THBS2: variants seen among roughly 807,000 people sequenced by gnomAD.
The protein encoded by THBS2 is thrombospondin 2, also known as thrombospondin-2.
Under a neutral mutation model 135.2 loss-of-function variants are expected in THBS2, and 47 were observed. The observed-to-expected ratio is 0.35, with a 90% confidence interval of 0.28 to 0.44. The LOEUF (loss-of-function observed/expected upper bound fraction) is 0.44, where lower values mean the gene tolerates loss of function less well. THBS2 is among the 20% of genes least tolerant of loss of function. The pLI is 1.00. For missense variants in THBS2, 1,288 were observed against 1,603.1 expected, an observed-to-expected ratio of 0.80 and a Z score of 3.36; for synonymous variants, 639 against 633.8, an observed-to-expected ratio of 1.01 and a Z score of -0.12.
chr6:169,242,630 C>T (rs1780360368), intron 4 of THBS2, among the ~76,000 whole-genome samples: 1 of 71,058 alleles, frequency 1.4e-5, no homozygotes, highest in African/African-American at 4.9e-5. Flanking sequence ...CCCACCTTCC[C>T]ACCACTCCCA....
At position 169,223,231 on chromosome 6, in the gene THBS2, G is replaced by C; in HGVS notation, c.3001+17C>G. ...CCGGAGAAATGCTGGCACCACCGCCGTGTCTCAGAGACTCACCTACAGCGA... is the reference window on the plus strand; with the variant it reads ...CCGGAGAAATGCTGGCACCACCGCCCTGTCTCAGAGACTCACCTACAGCGA... On this transcript the variant is annotated intron_variant, in intron 18 of 21. Transcript: ENST00000617924. 6.2e-7 allele frequency: 1 copy of C among 1,603,040 alleles called. No homozygotes were observed. The highest frequency in any genetic ancestry group is 8.5e-7 in the Non-Finnish European group (1 of 1,171,614).
At chr6:169,228,796 C>T (rs951675307) in intron 14 of THBS2, among the ~76,000 whole-genome samples, 1 of 151,676 alleles carries the variant, frequency 6.6e-6, no homozygotes, top group Non-Finnish European at 1.5e-5. Flanking sequence ...TGGTGGTGTG[C>T]GCCTGTAATG....
rs189271773 is a variant in THBS2 at position 169,234,715 on chromosome 6, G to A, written c.1651+19C>T. 47 of 1,513,126 alleles carry A rather than the reference G, an allele frequency of 3.1e-5. 1 individual carries two copies. The East Asian group carries it at 4.0e-4, about 13-fold the overall frequency. The allele number at this position is 1,513,126 out of a possible 1,614,324, so 93.7% of individuals were successfully genotyped here. A position where few individuals can be genotyped will look rare whatever the true frequency, so the allele number is the denominator to read the frequency against. On this transcript the variant is annotated intron_variant, in intron 10 of 21. Transcript: ENST00000617924. ...TGGAAGCCCGGGTTTCAGTGCCCCC[G>A]CTTCTACCCCTCACTCACCCACGGG...
intron 21 of THBS2, 132 bp from the exon 22 acceptor site, chr6:169,217,961 GATGGATGGATGAA>G (rs1463405995): frequency 1.3e-6 from 1 of 778,362 alleles, no homozygotes; most frequent in African/African-American, 2.2e-5. Context: ...TGGATGGATG[GATGGATGGATGAA>G]ATGGATGGGT....
chr6:169,228,284 G>A lies in THBS2; in HGVS notation c.2260-3C>T. ...TTGAAGAGGAGCTGGCAGTTGTCCTGGAAAACCAAGAAAGGGAAGACTTTA... is the reference window on the plus strand; with the variant it reads ...TTGAAGAGGAGCTGGCAGTTGTCCTAGAAAACCAAGAAAGGGAAGACTTTA... On this transcript the variant is annotated splice_polypyrimidine_tract_variant and splice_region_variant and intron_variant, in intron 14 of 21. Coordinates refer to ENST00000617924, the MANE Select transcript of THBS2 (RefSeq NM_003247.5). 1.9e-6 allele frequency: 3 copies of A among 1,613,866 alleles called. No individual in the cohort carries two copies. Among genetic ancestry groups the A allele is most frequent in the Non-Finnish European group, 2.5e-6 (3 of 1,179,954 alleles).
intron 9 of THBS2, 22 bp downstream of exon 9, chr6:169,237,148 G>A (rs747155022): frequency 2.4e-5 from 38 of 1,588,682 alleles, no homozygotes; most frequent in Non-Finnish European, 2.9e-5. Flanking sequence ...CCCACCCAGG[G>A]CCCCGCCTTC....
At chr6:169,220,172 C>G (rs1779372315) in intron 21 of THBS2, 26 bp downstream of exon 21, 9 of 1,605,866 alleles carry the variant, frequency 5.6e-6, no homozygotes, top group Non-Finnish European at 6.8e-6. Flanking sequence ...ATGCCTTCCC[C>G]ACTAACCTGA....
intron 18 of THBS2, 124 bp from the exon 19 acceptor site, chr6:169,222,592 C>T (rs1272783087): frequency 8.5e-6 from 9 of 1,057,814 alleles, no homozygotes; most frequent in Non-Finnish European, 1.1e-5. Context: ...GTCAAGAGTT[C>T]GAGACTGGTC....
chr6:169,227,322 G>C (rs1779668522), intron 15 of THBS2, among the ~76,000 whole-genome samples: 1 of 152,174 alleles, frequency 6.6e-6, no homozygotes, highest in Admixed American at 6.5e-5. Flanking sequence ...CCCAAGAGAA[G>C]GGATGACCAT....
At chr6:169,253,116 A>T (rs1381922899) in intron 1 of THBS2, among the ~76,000 whole-genome samples, 2 of 152,136 alleles carry the variant, frequency 1.3e-5, no homozygotes, top group Non-Finnish European at 2.9e-5. Context: ...CTTACCACAA[A>T]TACTCTCTAG....
chr6:169,225,521 G>T, intron 16 of THBS2, 142 bp from the exon 17 acceptor site: 1 of 781,576 alleles, frequency 1.3e-6, no homozygotes, highest in Non-Finnish European at 2.1e-6. Flanking sequence ...GCTGGCCCGA[G>T]GTCACACTGA....
chr6:169,225,502 G>A (rs1051977596), intron 16 of THBS2, 123 bp from the exon 17 acceptor site: 16 of 979,812 alleles, frequency 1.6e-5, no homozygotes, highest in Admixed American at 6.8e-5. Flanking sequence ...CCAGGGCCAC[G>A]CAGGGGCGGC....
chr6:169,233,883 C>T (rs1779941386), intron 10 of THBS2, among the ~76,000 whole-genome samples: 1 of 150,100 alleles, frequency 6.7e-6, no homozygotes, highest in Admixed American at 6.6e-5. Context: ...CAACTACCTA[C>T]ATGCCACATT....
At chr6:169,231,034 G>T (rs1158346346) in intron 13 of THBS2, among the ~76,000 whole-genome samples, 1 of 152,166 alleles carries the variant, frequency 6.6e-6, no homozygotes, top group African/African-American at 2.4e-5. Context: ...ACATTTTGGG[G>T]CACCCTGTGC....
chr6:169,235,938 C>T (rs1780027973), intron 9 of THBS2, among the ~76,000 whole-genome samples: 1 of 129,422 alleles, frequency 7.7e-6, no homozygotes, highest in Non-Finnish European at 1.7e-5. Context: ...CTACTCAGTC[C>T]AAACTCACTC....
intron 9 of THBS2, among the ~76,000 whole-genome samples, chr6:169,235,697 ACACT>A (rs747115908): frequency 9.4e-5 from 14 of 149,168 alleles, no homozygotes; most frequent in African/African-American, 2.5e-4. Context: ...CTGCCCATCC[ACACT>A]CACTCAGTCC....
At chr6:169,217,878 T>C (rs1334467818) in intron 21 of THBS2, 49 bp from the exon 22 acceptor site, 2 of 1,561,122 alleles carry the variant, frequency 1.3e-6, no homozygotes, top group South Asian at 1.2e-5. Flanking sequence ...AACTGGGCCA[T>C]GGGTAGTGAT....
intron 21 of THBS2, among the ~76,000 whole-genome samples, chr6:169,219,254 GTGGA>G (rs1406820952): frequency 1.2e-5 from 1 of 84,838 alleles, no homozygotes; most frequent in Non-Finnish European, 2.3e-5. Flanking sequence ...AGATGGATAG[GTGGA>G]TGGGTGGGTG....
chr6:169,235,815 A>ACACT (rs10657159), intron 9 of THBS2, among the ~76,000 whole-genome samples: 82,210 of 103,690 alleles, frequency 0.79, 33,234 homozygotes, highest in East Asian at 0.98. Context: ...CACTCCATCC[A>ACACT]CACTCACTTC....
Sources: gnomAD v4.1 joint callset for allele counts (sites outside exome capture counted in the v4.1 genomes callset) on GRCh38, gnomAD v4.1.1 for gene constraint, MANE v1.5 for transcripts, NCBI Gene and HGNC (gene_info 2026-07-23, HGNC 2026-07-21) for gene names.